The following DIAPH2 variants were observed in gnomAD, a reference collection of about 807,000 sequenced individuals.
DIAPH2 encodes the protein diaphanous related formin 2.
Under a neutral mutation model 92.7 loss-of-function variants are expected in DIAPH2, and 35 were observed. The ratio of observed to expected loss-of-function variants is 0.38; its 90% CI spans 0.29 to 0.50. The LOEUF is 0.50. Among genes scored for constraint, DIAPH2 ranks in the 20% least tolerant of loss-of-function variants. DIAPH2 has a pLI of 0.94. For missense variants in DIAPH2, 701 were observed against 819.5 expected, an observed-to-expected ratio of 0.86 and a Z score of 1.77; for synonymous variants, 301 against 280.4, an observed-to-expected ratio of 1.07 and a Z score of -0.73.
intron 26 of DIAPH2, among the ~76,000 whole-genome samples, chrX:97,444,584 G>C (rs1034988546): frequency 9.0e-6 from 1 of 111,447 alleles, no homozygotes; most frequent in African/African-American, 3.3e-5. Flanking sequence ...ATGAAGGAAT[G>C]TTTGTATCAG....
intron 4 of DIAPH2, among the ~76,000 whole-genome samples, chrX:96,815,677 C>CT (rs1466086911): frequency 4.5e-5 from 5 of 110,580 alleles, no homozygotes; most frequent in African/African-American, 6.6e-5. Flanking sequence ...CTGTTTTTTT[C>CT]TTTTTTTTGA....
intron 21 of DIAPH2, among the ~76,000 whole-genome samples, chrX:97,124,301 TCTC>T (rs768336860): frequency 1.7e-4 from 19 of 112,501 alleles, no homozygotes; most frequent in African/African-American, 5.8e-4. Context: ...ACACCTTTAT[TCTC>T]CTCCTTGCCT....
At chrX:97,320,461 C>T (rs770966198) in intron 23 of DIAPH2, among the ~76,000 whole-genome samples, 1 of 111,086 alleles carries the variant, frequency 9.0e-6, no homozygotes, top group Admixed American at 9.7e-5. Context: ...TGGCTGTAAT[C>T]CCAGCACTCT....
intron 1 of DIAPH2, among the ~76,000 whole-genome samples, chrX:96,711,936 C>T (rs1042352656): frequency 3.6e-5 from 4 of 111,262 alleles, no homozygotes; most frequent in Non-Finnish European, 7.6e-5. Context: ...AATTTAAAAA[C>T]CCCTGAACTT....
At chrX:97,120,190 G>A (rs1203407427) in intron 21 of DIAPH2, among the ~76,000 whole-genome samples, 1 of 110,797 alleles carries the variant, frequency 9.0e-6, no homozygotes, top group Non-Finnish European at 1.9e-5. Context: ...TAGCCTGCTT[G>A]GGGACCCAGC....
At chrX:97,533,902 T>C (rs963021861) in intron 26 of DIAPH2, among the ~76,000 whole-genome samples, 3 of 111,971 alleles carry the variant, frequency 2.7e-5, no homozygotes, top group Non-Finnish European at 5.6e-5. Flanking sequence ...GACAATGTTC[T>C]AATAAAGGAA....
intron 17 of DIAPH2, among the ~76,000 whole-genome samples, chrX:97,039,337 AT>A (rs1431684279): frequency 1.8e-5 from 2 of 110,503 alleles, no homozygotes; most frequent in African/African-American, 6.6e-5. Flanking sequence ...GCAGTTTGCA[AT>A]TTTTTCCTGA....
chrX:96,836,717 A>ATATATATAT (rs2064894108), intron 4 of DIAPH2, among the ~76,000 whole-genome samples: 1 of 18,895 alleles, frequency 5.3e-5, no homozygotes, highest in African/African-American at 2.1e-4. Flanking sequence ...ATATATATAT[A>ATATATATAT]TTTTTTTTTT....
At chrX:96,755,482 T>A (rs1327067368) in intron 3 of DIAPH2, among the ~76,000 whole-genome samples, 3 of 110,288 alleles carry the variant, frequency 2.7e-5, no homozygotes, top group African/African-American at 9.9e-5. Context: ...TGAAACCCTG[T>A]CTCTACTAAA....
intron 22 of DIAPH2, among the ~76,000 whole-genome samples, chrX:97,182,454 T>G (rs944775502): frequency 1.8e-4 from 20 of 111,044 alleles, no homozygotes; most frequent in Admixed American, 1.6e-3. Context: ...GCAGAGGAAT[T>G]TTATCAAGAG....
chrX:96,871,951 C>A (rs2065146149), intron 4 of DIAPH2, among the ~76,000 whole-genome samples: 1 of 111,787 alleles, frequency 8.9e-6, no homozygotes, highest in African/African-American at 3.3e-5. Flanking sequence ...TGTGTGCCTT[C>A]CCAGGGCATT....
intron 25 of DIAPH2, among the ~76,000 whole-genome samples, chrX:97,421,241 C>G (rs887310895): frequency 6.2e-5 from 7 of 112,150 alleles, no homozygotes; most frequent in Non-Finnish European, 1.3e-4. Flanking sequence ...GTTATTTTCA[C>G]CATATTGTGG....
chrX:96,922,706 C>T (rs1341702614), intron 9 of DIAPH2, among the ~76,000 whole-genome samples: 3 of 111,693 alleles, frequency 2.7e-5, no homozygotes, highest in Non-Finnish European at 5.7e-5. Flanking sequence ...CATATGTTTG[C>T]GCCATACTAC....
chrX:96,952,514 T>A lies in DIAPH2; in HGVS notation c.1614+3475T>A, dbSNP rs754119111. Among the ~76,000 whole-genome samples, 4 of 111,394 alleles carry A rather than the reference T, an allele frequency of 3.6e-5. No individual in the cohort carries two copies. In the East Asian group the frequency reaches 1.1e-3, roughly 32 times the overall value. On this transcript the variant is annotated intron_variant, in intron 15 of 26. Transcript: ENST00000324765. ...ACTTTGGGAGGCCGAGGCGGGCAGA[T>A]CACGAGGTCAGGAGTTCTAGACCAG...
At chrX:97,462,303 C>G (rs1328767525) in intron 26 of DIAPH2, among the ~76,000 whole-genome samples, 1 of 112,297 alleles carries the variant, frequency 8.9e-6, no homozygotes, top group African/African-American at 3.2e-5. Context: ...CCATTTTCAG[C>G]TGAGCTGTGT....
intron 25 of DIAPH2, among the ~76,000 whole-genome samples, chrX:97,392,312 A>G (rs1308872292): frequency 8.9e-6 from 1 of 111,880 alleles, no homozygotes; most frequent in Admixed American, 9.6e-5. Flanking sequence ...ACGATGAAAG[A>G]GTCATTTTTA....
chrX:97,068,174 G>A (rs2066645838), intron 17 of DIAPH2, among the ~76,000 whole-genome samples: 1 of 111,488 alleles, frequency 9.0e-6, no homozygotes, highest in Non-Finnish European at 1.9e-5. Flanking sequence ...CTGATCACTA[G>A]TGAAGTTGAG....
intron 26 of DIAPH2, among the ~76,000 whole-genome samples, chrX:97,530,922 G>A (rs903460894): frequency 1.8e-5 from 2 of 111,172 alleles, no homozygotes; most frequent in African/African-American, 6.5e-5. Flanking sequence ...ATAGTAACAA[G>A]GAGCACAGGT....
intron 17 of DIAPH2, among the ~76,000 whole-genome samples, chrX:97,009,943 G>A (rs2066212811): frequency 1.8e-5 from 2 of 111,731 alleles, no homozygotes; most frequent in Non-Finnish European, 3.8e-5. Context: ...GACCCTAATG[G>A]TATCTCACTA....
Sources: allele counts gnomAD v4.1 joint callset (sites outside exome capture counted in the v4.1 genomes callset), GRCh38; gene constraint gnomAD v4.1.1; transcripts MANE v1.5; gene names NCBI Gene and HGNC (gene_info 2026-07-23, HGNC 2026-07-21).